Variants in ADAMTSL3 observed in about 807,000 individuals in gnomAD.
ADAMTSL3 encodes the protein ADAMTS like 3, also known as ADAMTS-like protein 3.
Under a neutral mutation model 201.7 loss-of-function variants are expected in ADAMTSL3, and 128 were observed. That is an observed-to-expected ratio of 0.63 (90% CI 0.55 to 0.73). ADAMTSL3 has a LOEUF of 0.73. ADAMTSL3 is among the 30% of genes least tolerant of loss of function. ADAMTSL3 has a pLI of 0.00. For synonymous variants in ADAMTSL3, 738 were observed against 748.4 expected (o/e 0.99, Z 0.23); for missense variants, 1,990 against 2,119.6 (o/e 0.94, Z 1.20).
At chr15:83,978,945 C>A (rs1051352170) in intron 20 of ADAMTSL3, among the ~76,000 whole-genome samples, 1 of 152,222 alleles carries the variant, frequency 6.6e-6, no homozygotes, top group South Asian at 2.1e-4. Context: ...GGCTTCATGG[C>A]CTCCCTTAGA....
At chr15:83,705,818 T>A (rs1007209740) in intron 3 of ADAMTSL3, among the ~76,000 whole-genome samples, 8 of 152,188 alleles carry the variant, frequency 5.3e-5, no homozygotes, top group Admixed American at 2.6e-4. Context: ...CAGACCGCTG[T>A]GGGCAGGGAG....
chr15:83,883,785 CA>C (rs1347798012), intron 9 of ADAMTSL3, among the ~76,000 whole-genome samples: 7 of 151,768 alleles, frequency 4.6e-5, no homozygotes, highest in Non-Finnish European at 1.0e-4. Context: ...AGACTGATTT[CA>C]AACTTCTGGC....
At chr15:83,889,487 A>G (rs1276743727) in intron 10 of ADAMTSL3, among the ~76,000 whole-genome samples, 2 of 152,244 alleles carry the variant, frequency 1.3e-5, no homozygotes, top group Non-Finnish European at 2.9e-5. Flanking sequence ...GATTTAAAAC[A>G]CATTATCATT....
chr15:83,779,980 A>G (rs1428070511), intron 4 of ADAMTSL3, among the ~76,000 whole-genome samples: 1 of 152,202 alleles, frequency 6.6e-6, no homozygotes, highest in Non-Finnish European at 1.5e-5. Context: ...AAAAAGTTAG[A>G]AAGATCTCAA....
chr15:83,905,652 G>C (rs1303950710), intron 15 of ADAMTSL3, among the ~76,000 whole-genome samples: 1 of 152,214 alleles, frequency 6.6e-6, no homozygotes, highest in Non-Finnish European at 1.5e-5. Flanking sequence ...GATCCCTCTG[G>C]TGGTCTGCAG....
chr15:83,818,065 A>G (rs1297439472), intron 5 of ADAMTSL3, among the ~76,000 whole-genome samples: 1 of 152,022 alleles, frequency 6.6e-6, no homozygotes, highest in South Asian at 2.1e-4. Context: ...TTCTGATTGG[A>G]AAAAAAACTA....
chr15:83,811,939 A>G (rs970694668), intron 5 of ADAMTSL3, among the ~76,000 whole-genome samples: 1 of 152,174 alleles, frequency 6.6e-6, no homozygotes, highest in Non-Finnish European at 1.5e-5. Flanking sequence ...GTGCACGCCC[A>G]AGCTGTGTTG....
chr15:83,775,455 A>G (rs888930966), intron 4 of ADAMTSL3, among the ~76,000 whole-genome samples: 1 of 152,178 alleles, frequency 6.6e-6, no homozygotes, highest in Non-Finnish European at 1.5e-5. Flanking sequence ...AAATGTTCGC[A>G]TATTTATTTA....
At chr15:83,697,045 G>A (rs753240613) in intron 2 of ADAMTSL3, among the ~76,000 whole-genome samples, 1 of 152,102 alleles carries the variant, frequency 6.6e-6, no homozygotes, top group Admixed American at 6.5e-5. Context: ...AGAGAGATGG[G>A]TGTGAGAGCT....
chr15:83,686,604 G>T (rs1478043410), intron 2 of ADAMTSL3, among the ~76,000 whole-genome samples: 1 of 152,170 alleles, frequency 6.6e-6, no homozygotes, highest in Non-Finnish European at 1.5e-5. Flanking sequence ...GCTAATAATT[G>T]ATGTGTGGGT....
chr15:83,917,778 A>C (rs1232782172), intron 16 of ADAMTSL3, among the ~76,000 whole-genome samples: 1 of 152,002 alleles, frequency 6.6e-6, no homozygotes, highest in Non-Finnish European at 1.5e-5. Flanking sequence ...CATTTGTTTA[A>C]ATTTGTAGAG....
intron 8 of ADAMTSL3, among the ~76,000 whole-genome samples, chr15:83,867,056 A>G (rs759811970): frequency 1.3e-5 from 2 of 152,214 alleles, no homozygotes; most frequent in African/African-American, 2.4e-5. Context: ...CTAAATATAG[A>G]AGTGGTTTTA....
intron 19 of ADAMTSL3, chr15:83,961,875 C>G (rs1470931895): frequency 6.6e-6 from 1 of 152,110 alleles, no homozygotes; most frequent in Non-Finnish European, 1.5e-5. Context: ...TAGAACATAA[C>G]ATAAATATCA....
Position 83,885,524 on chromosome 15 carries a change from C to A in ADAMTSL3, c.1072+312C>A, listed in dbSNP as rs8030566. Among the ~76,000 whole-genome samples the A allele has an allele frequency of 0.29, 44,419 of 151,816 alleles. 7,407 individuals are homozygous for A. The highest frequency in any genetic ancestry group is 0.44 in the Admixed American group (6,665 of 15,264). ...TCTCTTCTTGATTGCCCTTAAAGTA[C>A]GTATTATTTTTAATTTTCTATGAAA... On this transcript the variant is annotated intron_variant, in intron 10 of 29. Transcript: ENST00000286744.
chr15:83,819,953 G>A lies in ADAMTSL3; in HGVS notation c.506G>A (p.Gly169Glu). ...APCALKCHAQ[G>E]QNLVVELAPK... ...TGTGCACTCAAGTGTCATGCACAAG[G>A]ACAAAACTTGGTGGTGGAGCTGGCA... Residue 169 changes from glycine to glutamate, a missense_variant, in exon 6 of 30, where the codon GGA (glycine) becomes GAA (glutamate). By Grantham distance (98) the Gly-to-Glu change is moderately conservative (BLOSUM62 -2). Coordinates refer to ENST00000286744, the MANE Select transcript of ADAMTSL3 (RefSeq NM_207517.3). 6.2e-7 allele frequency: 1 copy of A among 1,614,130 alleles called. No individual in the cohort carries two copies. Among genetic ancestry groups the A allele is most frequent in the Non-Finnish European group, 8.5e-7 (1 of 1,180,028 alleles).
chr15:83,770,210 C>G (rs949859100), intron 3 of ADAMTSL3, among the ~76,000 whole-genome samples: 2 of 152,110 alleles, frequency 1.3e-5, no homozygotes, highest in Non-Finnish European at 2.9e-5. Context: ...ATATGATTAT[C>G]TAATGATTGT....
At chr15:83,669,605 C>A (rs1332384253) in intron 2 of ADAMTSL3, among the ~76,000 whole-genome samples, 4 of 148,008 alleles carry the variant, frequency 2.7e-5, no homozygotes, top group African/African-American at 1.0e-4. Context: ...GTAGCTGGGA[C>A]TACAGGTGCC....
intron 17 of ADAMTSL3, among the ~76,000 whole-genome samples, chr15:83,935,130 T>C (rs1005838692): frequency 1.3e-5 from 2 of 152,222 alleles, no homozygotes; most frequent in South Asian, 2.1e-4. Context: ...GTCCAGACTT[T>C]ATCACTTTGC....
chr15:83,896,516 A>G (rs6603001), intron 13 of ADAMTSL3, among the ~76,000 whole-genome samples: 95,325 of 152,008 alleles, frequency 0.63, 30,979 homozygotes, highest in African/African-American at 0.79. Context: ...TGTATTAGTT[A>G]TGTTAATAAT....
Sources: allele counts gnomAD v4.1 joint callset (sites outside exome capture counted in the v4.1 genomes callset), GRCh38; gene constraint gnomAD v4.1.1; transcripts MANE v1.5; gene names NCBI Gene and HGNC (gene_info 2026-07-23, HGNC 2026-07-21).